NR3C1: variants seen among roughly 807,000 people sequenced by gnomAD.
The protein encoded by NR3C1 is glucocorticoid receptor.
NR3C1 carries 14 observed loss-of-function variants against 74.0 expected under a neutral mutation model. The observed-to-expected ratio is 0.19, with a 90% CI of 0.12 to 0.30. The LOEUF is 0.30. NR3C1 is among the 10% of genes least tolerant of loss of function. The pLI, the probability that NR3C1 is intolerant of heterozygous loss-of-function variation, is 1.00. For synonymous variants in NR3C1, 308 were observed against 332.5 expected (o/e 0.93, Z 0.80); for missense variants, 695 against 909.8 (o/e 0.76, Z 3.04).
At chr5:143,332,881 TA>T in intron 2 of NR3C1, 1 of 1,499,352 alleles carries the variant, frequency 6.7e-7, no homozygotes, top group Non-Finnish European at 9.2e-7. Flanking sequence ...CCCTAGAATC[TA>T]AAAATGCTGC....
At chr5:143,334,681 T>A (rs759823517) in intron 2 of NR3C1, among the ~76,000 whole-genome samples, 1 of 141,294 alleles carries the variant, frequency 7.1e-6, no homozygotes, top group Admixed American at 7.1e-5. Flanking sequence ...GAAATACACA[T>A]AGGAAGAAAG....
At chr5:143,382,289 T>C (rs1039362052) in intron 2 of NR3C1, among the ~76,000 whole-genome samples, 10 of 152,068 alleles carry the variant, frequency 6.6e-5, no homozygotes, top group Non-Finnish European at 1.5e-4. Context: ...CCCATAAATA[T>C]ATATGCCTAC....
At chr5:143,415,307 T>G (rs1443267632) in intron 1 of NR3C1, among the ~76,000 whole-genome samples, 1 of 151,614 alleles carries the variant, frequency 6.6e-6, no homozygotes, top group African/African-American at 2.4e-5. Context: ...TTTTATTATG[T>G]GAAATAGAAA....
At chr5:143,314,607 A>G (rs548510809) in intron 2 of NR3C1, among the ~76,000 whole-genome samples, 4 of 152,294 alleles carry the variant, frequency 2.6e-5, no homozygotes, top group African/African-American at 7.2e-5. Flanking sequence ...GATGCCTCCT[A>G]TGCCTTTAAT....
chr5:143,369,162 C>T lies in NR3C1; in HGVS notation c.1184+30494G>A, dbSNP rs930132648. On this transcript the variant is annotated intron_variant, in intron 2 of 8. Coordinates refer to ENST00000394464, the MANE Select transcript of NR3C1 (RefSeq NM_000176.3). ...GTTTTGGAGGGGACAAACATTCGAACCACAGCAGTTGGCTAATAAGAAAAG... is the reference window on the plus strand; with the variant it reads ...GTTTTGGAGGGGACAAACATTCGAATCACAGCAGTTGGCTAATAAGAAAAG... Among the ~76,000 whole-genome samples the T allele has an allele frequency of 2.0e-5, 3 of 152,256 alleles. No individual in the cohort carries two copies. In the East Asian group the frequency reaches 5.8e-4, roughly 29 times the overall value.
intron 2 of NR3C1, among the ~76,000 whole-genome samples, chr5:143,366,510 C>CAA (rs112519980): frequency 2.9e-5 from 3 of 102,920 alleles, no homozygotes; most frequent in South Asian, 3.3e-4. Flanking sequence ...AATTCTGCCT[C>CAA]AAAAAAAAAA....
chr5:143,306,361 TA>T (rs11395012), intron 4 of NR3C1, among the ~76,000 whole-genome samples: 1 of 151,296 alleles, frequency 6.6e-6, no homozygotes, highest in Non-Finnish European at 1.5e-5. Context: ...TGAAGGTTGT[TA>T]AAAAAAAAGT....
At chr5:143,363,930 A>G (rs1427599817) in intron 2 of NR3C1, among the ~76,000 whole-genome samples, 1 of 152,170 alleles carries the variant, frequency 6.6e-6, no homozygotes, top group African/African-American at 2.4e-5. Flanking sequence ...AAACAAAGCA[A>G]CACACAAATA....
upstream of NR3C1, chr5:143,405,170 AT>A: frequency 1.0e-6 from 1 of 985,444 alleles, no homozygotes; most frequent in Non-Finnish European, 1.2e-6. Flanking sequence ...ACAGATTATG[AT>A]TTTTGTGACT....
chr5:143,331,044 G>A (rs557781336), intron 2 of NR3C1, among the ~76,000 whole-genome samples: 3 of 152,224 alleles, frequency 2.0e-5, no homozygotes, highest in South Asian at 2.1e-4. Flanking sequence ...CGTATTACCC[G>A]ACTTCAAACT....
At chr5:143,427,857 G>C (rs1354847240) in intron 1 of NR3C1, among the ~76,000 whole-genome samples, 1 of 152,150 alleles carries the variant, frequency 6.6e-6, no homozygotes, top group Non-Finnish European at 1.5e-5. Context: ...ATCTATAAGA[G>C]GGTTTTAACC....
At chr5:143,408,806 A>G (rs987448362) in intron 1 of NR3C1, among the ~76,000 whole-genome samples, 1 of 152,120 alleles carries the variant, frequency 6.6e-6, no homozygotes, top group Non-Finnish European at 1.5e-5. Flanking sequence ...GGGATGTTCA[A>G]TGTGTACTTT....
intron 2 of NR3C1, among the ~76,000 whole-genome samples, chr5:143,369,733 G>T (rs1219832898): frequency 6.6e-6 from 1 of 152,192 alleles, no homozygotes. Flanking sequence ...TGACAGCAAA[G>T]AATTATCCAA....
rs1221703823 is a variant in NR3C1, at chr5:143,375,409, A to G, written c.1184+24247T>C. 9.2e-5 allele frequency among the ~76,000 whole-genome samples: 14 copies of G among 152,330 alleles called. No homozygotes were observed. In the East Asian group the frequency reaches 2.3e-3, roughly 25 times the overall value. On this transcript the variant is annotated intron_variant, in intron 2 of 8. Transcript: ENST00000394464. ...ACACTGCAACACTATAGTAGCTACA[A>G]AAGAGTCAAAATTCTTTTAATAGGG...
chr5:143,282,164 C>A, intron 8 of NR3C1, 123 bp from the exon 9 acceptor site: 1 of 991,160 alleles, frequency 1.0e-6, no homozygotes, highest in Non-Finnish European at 1.6e-6. Context: ...ACTGGAATTC[C>A]CCAGATGAAA....
chr5:143,339,193 T>C (rs1186973193), intron 2 of NR3C1, among the ~76,000 whole-genome samples: 1 of 152,224 alleles, frequency 6.6e-6, no homozygotes, highest in East Asian at 1.9e-4. Context: ...AATACATGAC[T>C]GCATATTTGT....
rs780444681 is a variant in NR3C1, at chr5:143,314,217, C to G, written c.1185-49G>C. 37 of 1,587,114 alleles carry G rather than the reference C, an allele frequency of 2.3e-5. No individual in the cohort carries two copies. The Admixed American group carries it at 6.3e-4, about 27-fold the overall frequency. ...TATGATTTAACTGTCAAAGGAATAT[C>G]AAAATACAGTTCTCTTAGCTTCTCA... On this transcript the variant is annotated intron_variant, in intron 2 of 8. Coordinates refer to ENST00000394464, the MANE Select transcript of NR3C1 (RefSeq NM_000176.3).
rs751311661 is a variant in NR3C1, at chr5:143,291,085, A to AAACT, written c.2023+4371_2023+4374dup. On this transcript the variant is annotated intron_variant, in intron 7 of 8. Transcript: ENST00000394464. ...ACCCTATTTCTAGTTGTCATCCTTG[A>AAACT]AACTTACTTTAGTTCTACTTTTTAG... Among the ~76,000 whole-genome samples the AAACT allele has an allele frequency of 4.2e-4, 64 of 152,060 alleles. 1 individual carries two copies. In the East Asian group the frequency reaches 0.012, roughly 28 times the overall value.
intron 2 of NR3C1, among the ~76,000 whole-genome samples, chr5:143,340,162 G>A (rs1448596415): frequency 1.3e-5 from 2 of 152,084 alleles, no homozygotes; most frequent in East Asian, 1.9e-4. Flanking sequence ...GGAAAAATGA[G>A]AAAATATTGC....
Sources: allele counts gnomAD v4.1 joint callset (sites outside exome capture counted in the v4.1 genomes callset), GRCh38; gene constraint gnomAD v4.1.1; transcripts MANE v1.5; gene names NCBI Gene and HGNC (gene_info 2026-07-23, HGNC 2026-07-21).